The following ARHGEF18 variants were observed in gnomAD, a reference collection of about 807,000 sequenced individuals.
The protein encoded by ARHGEF18 is Rho/Rac guanine nucleotide exchange factor 18, also known as rho guanine nucleotide exchange factor 18.
ARHGEF18 carries 93 observed loss-of-function variants against 155.7 expected under a neutral mutation model. That is an observed-to-expected ratio of 0.60 (90% CI 0.50 to 0.71). ARHGEF18 has a LOEUF of 0.71. Among genes scored for constraint, ARHGEF18 ranks in the 30% least tolerant of loss-of-function variants. The probability of loss-of-function intolerance (pLI) is 0.00; values close to 1 mark genes in which losing one functional copy is unlikely to be tolerated. For missense variants in ARHGEF18, 1,593 were observed against 1,816.1 expected (o/e 0.88, Z 2.23); for synonymous variants, 742 against 753.1 (o/e 0.99, Z 0.24).
intron 10 of ARHGEF18, among the ~76,000 whole-genome samples, chr19:7,399,920 G>A (rs754295387): frequency 4.6e-5 from 7 of 151,850 alleles, no homozygotes; most frequent in Admixed American, 1.3e-4. Context: ...CTATAGGTGC[G>A]TACCACCGCG....
intron 3 of ARHGEF18, among the ~76,000 whole-genome samples, chr19:7,375,172 T>C (rs1406279846): frequency 6.7e-6 from 1 of 149,512 alleles, no homozygotes; most frequent in Non-Finnish European, 1.5e-5. Flanking sequence ...TTTGGGAGGC[T>C]GAGGGAGGAG....
chr19:7,367,826 T>C (rs1373633600), intron 2 of ARHGEF18, among the ~76,000 whole-genome samples: 1 of 123,442 alleles, frequency 8.1e-6, no homozygotes, highest in African/African-American at 4.1e-5. Context: ...TATATATATA[T>C]ACACATATAT....
Position 7,385,480 on chromosome 19 carries a change from A to ATTG in ARHGEF18, c.967+2279_967+2280insGTT, listed in dbSNP as rs1555704271. Among the ~76,000 whole-genome samples, 851 of 145,492 alleles carry ATTG rather than the reference A, an allele frequency of 5.8e-3. 9 individuals are homozygous for ATTG. The highest frequency in any genetic ancestry group is 9.8e-3 in the African/African-American group (384 of 39,260). On this transcript the variant is annotated intron_variant, in intron 10 of 28. Transcript: ENST00000668164. ...TATTATTATTATTATTATTATTATT[A>ATTG]TTATTATTATTTTGAGACGGAGTCC...
At chr19:7,469,775 AC>A (rs1976899966) in intron 27 of ARHGEF18, 128 bp from the exon 28 acceptor site, 1 of 1,141,994 alleles carries the variant, frequency 8.8e-7, no homozygotes, top group Admixed American at 2.3e-5. Context: ...AGCTCAGGTC[AC>A]GGGATCCAGG....
At chr19:7,478,280 T>G in the ARHGEF18 span, 2 of 1,600,388 alleles carry the variant, frequency 1.2e-6, no homozygotes, top group African/African-American at 1.3e-5. Context: ...CTGGAGGGAG[T>G]GGGCCTCCCT....
intron 1 of ARHGEF18, among the ~76,000 whole-genome samples, chr19:7,360,469 C>T (rs1171372740): frequency 1.3e-5 from 2 of 152,198 alleles, no homozygotes; most frequent in Non-Finnish European, 2.9e-5. Flanking sequence ...CTCCTCACCT[C>T]AAGTGATCCG....
At chr19:7,449,795 T>C (rs1410953248) in intron 15 of ARHGEF18, among the ~76,000 whole-genome samples, 1 of 152,112 alleles carries the variant, frequency 6.6e-6, no homozygotes, top group Admixed American at 6.6e-5. Flanking sequence ...CTCCTGTCTC[T>C]GCTTCCTGAA....
intron 20 of ARHGEF18, among the ~76,000 whole-genome samples, chr19:7,461,885 G>A (rs144142523): frequency 1.2e-4 from 18 of 152,158 alleles, no homozygotes; most frequent in African/African-American, 3.6e-4. Context: ...ACTCCAGGCC[G>A]CAAGAGTCCT....
chr19:7,471,138 G>T lies in ARHGEF18; in HGVS notation c.*840G>T. On this transcript the variant is annotated 3_prime_UTR_variant, in exon 29 of 29. Coordinates refer to ENST00000668164, the MANE Select transcript of ARHGEF18 (RefSeq NM_001367823.1). This position sits in a 1 kb window ranked among gnomAD's most constrained non-coding sequence, Gnocchi z 4.4. Reference sequence around the variant, plus strand: ...TTCAGCCAGGGCGGGTACACACCCTGGGCACAGGGTCCTCAGCCCCCGGGA... The same window carrying T: ...TTCAGCCAGGGCGGGTACACACCCTTGGCACAGGGTCCTCAGCCCCCGGGA... 1 of 264,120 alleles carries T rather than the reference G, an allele frequency of 3.8e-6. No homozygotes were observed. Among genetic ancestry groups the T allele is most frequent in the Non-Finnish European group, 7.1e-6 (1 of 140,886 alleles). The allele number at this position is 264,120 out of a possible 1,614,324, so 16.4% of individuals were successfully genotyped here.
chr19:7,444,274 G>A lies in ARHGEF18; in HGVS notation c.1431G>A (p.Leu477=). The change falls in exon 14 of 29, where the codon CTG becomes CTA. Residue 477 remains leucine (L), a synonymous_variant. Coordinates refer to ENST00000668164, the MANE Select transcript of ARHGEF18 (RefSeq NM_001367823.1). This position sits in a 1 kb window ranked among gnomAD's most constrained non-coding sequence, Gnocchi z 4.7. ...KIMLKVYSRA[L]QEELQFSSKA... ...TGCTGAAGGTGTACTCCAGGGCCCT[G>A]CAGGAGGAGCTGCAGTTCAGCAGCA... 1 of 1,613,698 alleles carries A rather than the reference G, an allele frequency of 6.2e-7. No individual in the cohort carries two copies. The highest frequency in any genetic ancestry group is 8.5e-7 in the Non-Finnish European group (1 of 1,180,038).
chr19:7,477,059 G>C, downstream of ARHGEF18: 1 of 696,408 alleles, frequency 1.4e-6, no homozygotes, highest in South Asian at 3.5e-5. Flanking sequence ...GGGGGACCTC[G>C]CATCAGTCCC....
At chr19:7,406,792 C>T (rs146515607) in intron 10 of ARHGEF18, among the ~76,000 whole-genome samples, 1,560 of 152,176 alleles carry the variant, frequency 0.01, 21 homozygotes, top group African/African-American at 0.024. Context: ...CAGTGGCTCA[C>T]GCCTGTAATC....
At chr19:7,368,973 G>C (rs571123338) in intron 2 of ARHGEF18, among the ~76,000 whole-genome samples, 4 of 152,174 alleles carry the variant, frequency 2.6e-5, no homozygotes, top group African/African-American at 7.2e-5. Context: ...GAGGACGGTG[G>C]CCACAAAGGA....
chr19:7,413,805 A>C (rs1264514448), intron 10 of ARHGEF18, among the ~76,000 whole-genome samples: 2 of 152,152 alleles, frequency 1.3e-5, no homozygotes, highest in Non-Finnish European at 2.9e-5. Flanking sequence ...AGCCATGCTC[A>C]TCGGTGGATG....
downstream of ARHGEF18, among the ~76,000 whole-genome samples, chr19:7,474,752 G>GGTGTGTGTGTGTGTGT (rs1555733246): frequency 1.9e-5 from 2 of 103,110 alleles, no homozygotes; most frequent in African/African-American, 6.4e-5. Flanking sequence ...GGTGGGCATT[G>GGTGTGTGTGTGTGTGT]GAGTGTGTGT....
chr19:7,464,173 G>A (rs1260546978), intron 22 of ARHGEF18, among the ~76,000 whole-genome samples: 3 of 152,100 alleles, frequency 2.0e-5, no homozygotes, highest in Non-Finnish European at 4.4e-5. Context: ...AAGTAGCTGG[G>A]ACTATAAGCA....
At chr19:7,385,787 A>C (rs989300516) in intron 10 of ARHGEF18, among the ~76,000 whole-genome samples, 1 of 147,492 alleles carries the variant, frequency 6.8e-6, no homozygotes, top group Non-Finnish European at 1.5e-5. Flanking sequence ...GTCACCTGGG[A>C]ACTTTTTCAA....
At position 7,462,357 on chromosome 19, in the gene ARHGEF18, A is replaced by G. The variant is rs904896165; in HGVS notation, c.2635+23A>G. 3 of 1,563,010 alleles carry G rather than the reference A, an allele frequency of 1.9e-6. No homozygotes were observed. The highest frequency in any genetic ancestry group is 2.6e-6 in the Non-Finnish European group (3 of 1,156,358). On this transcript the variant is annotated intron_variant, in intron 21 of 28. Transcript: ENST00000668164. The surrounding 1 kb of genome is among the most constrained non-coding windows in gnomAD (Gnocchi z 4.4). ...AGAGTAAGTTGGCTGCCCACACCTC[A>G]AGGGTGCAGTCTTGCCGGGGTGGGC...
intron 8 of ARHGEF18, among the ~76,000 whole-genome samples, chr19:7,381,495 T>C (rs1438744956): frequency 6.6e-6 from 1 of 151,814 alleles, no homozygotes; most frequent in Non-Finnish European, 1.5e-5. Flanking sequence ...CTGGCCAACA[T>C]GGTGAAACCC....
Sources: allele counts gnomAD v4.1 joint callset (sites outside exome capture counted in the v4.1 genomes callset), GRCh38; gene constraint gnomAD v4.1.1; non-coding constraint Gnocchi (gnomAD v3.1); transcripts MANE v1.5; gene names NCBI Gene and HGNC (gene_info 2026-07-23, HGNC 2026-07-21).